GRIN2B: variants seen among roughly 807,000 people sequenced by gnomAD.
GRIN2B encodes glutamate ionotropic receptor NMDA type subunit 2B, also known as glutamate receptor ionotropic, NMDA 2B.
A neutral mutation model predicts 114.5 loss-of-function variants in GRIN2B; 5 were observed. The observed-to-expected ratio is 0.04, with a 90% CI of 0.02 to 0.09. GRIN2B has a LOEUF of 0.09. Among genes scored for constraint, GRIN2B ranks in the 10% least tolerant of loss-of-function variants. The probability of loss-of-function intolerance (pLI) is 1.00; values close to 1 mark genes in which losing one functional copy is unlikely to be tolerated. For missense variants in GRIN2B, 1,108 were observed against 1,943.5 expected, an observed-to-expected ratio of 0.57 and a Z score of 8.08; for synonymous variants, 787 against 745.1, an observed-to-expected ratio of 1.06 and a Z score of -0.92.
intron 3 of GRIN2B, among the ~76,000 whole-genome samples, chr12:13,808,101 C>A (rs1248670133): frequency 1.3e-5 from 2 of 152,036 alleles, no homozygotes; most frequent in Non-Finnish European, 2.9e-5. Context: ...AGTGTCTAGA[C>A]TGAGAAAGCC....
chr12:13,808,077 T>G (rs1404648600), intron 3 of GRIN2B, among the ~76,000 whole-genome samples: 1 of 152,150 alleles, frequency 6.6e-6, no homozygotes, highest in South Asian at 2.1e-4. Flanking sequence ...CTGGCAGCTC[T>G]GAATTATTAT....
chr12:13,669,511 G>A (rs1950004576), intron 5 of GRIN2B, among the ~76,000 whole-genome samples: 1 of 152,086 alleles, frequency 6.6e-6, no homozygotes, highest in Non-Finnish European at 1.5e-5. Flanking sequence ...TTGCCATGAG[G>A]AGCTTCTGTT....
intron 3 of GRIN2B, among the ~76,000 whole-genome samples, chr12:13,767,856 T>C (rs1863828048): frequency 6.6e-6 from 1 of 152,230 alleles, no homozygotes; most frequent in Admixed American, 6.5e-5. Context: ...AACTCCATAG[T>C]ATTAGTAACC....
At chr12:13,577,783 A>G (rs1000394793) in intron 10 of GRIN2B, among the ~76,000 whole-genome samples, 1 of 152,218 alleles carries the variant, frequency 6.6e-6, no homozygotes, top group African/African-American at 2.4e-5. Context: ...AGGAGACTGT[A>G]TTAGGAACAG....
chr12:13,979,045 T>C (rs531234592), intron 2 of GRIN2B, among the ~76,000 whole-genome samples: 2 of 152,328 alleles, frequency 1.3e-5, no homozygotes, highest in African/African-American at 4.8e-5. Flanking sequence ...ACGTGTCGAA[T>C]TCTGCACCCC....
chr12:13,884,704 C>T (rs1866126202), intron 2 of GRIN2B, among the ~76,000 whole-genome samples: 2 of 152,092 alleles, frequency 1.3e-5, no homozygotes, highest in South Asian at 4.1e-4. Flanking sequence ...TTCAGTTTTT[C>T]AGCATTAAAT....
chr12:13,578,021 C>T (rs1948800555), intron 10 of GRIN2B, among the ~76,000 whole-genome samples: 1 of 152,168 alleles, frequency 6.6e-6, no homozygotes, highest in Non-Finnish European at 1.5e-5. Flanking sequence ...ATGATCTTGC[C>T]TTCAAAGAGT....
chr12:13,791,377 G>A (rs554474674), intron 3 of GRIN2B, among the ~76,000 whole-genome samples: 5 of 151,886 alleles, frequency 3.3e-5, no homozygotes, highest in East Asian at 3.9e-4. Flanking sequence ...GCATGAACCC[G>A]GGAGGCGGAG....
At chr12:13,784,446 C>T (rs1453069013) in intron 3 of GRIN2B, among the ~76,000 whole-genome samples, 4 of 152,064 alleles carry the variant, frequency 2.6e-5, no homozygotes, top group South Asian at 2.1e-4. Context: ...CCCCAGGTGA[C>T]AGAATTTCAA....
chr12:13,646,029 G>C (rs1329375152), intron 5 of GRIN2B, among the ~76,000 whole-genome samples: 2 of 152,076 alleles, frequency 1.3e-5, no homozygotes, highest in African/African-American at 4.8e-5. Flanking sequence ...CTTGGACACT[G>C]AAAGTTTTTC....
In GRIN2B at chr12:13,547,790, T is replaced by C. The variant is rs1591596090; in HGVS notation, c.*14993A>G. On this transcript the variant is annotated 3_prime_UTR_variant, in exon 14 of 14. Transcript: ENST00000609686. ...ACTTCCCTGATTCTTTTGGAAGTTA[T>C]TGGGCATCTGCATTTTCCCAGGAGA... 1.3e-5 allele frequency: 2 copies of C among 152,002 alleles called. No individual in the cohort carries two copies. The highest frequency in any genetic ancestry group is 3.4e-3 in the Middle Eastern group (1 of 294). 9.4% of individuals were successfully genotyped at this position (152,002 alleles called of 1,614,324 possible).
intron 3 of GRIN2B, among the ~76,000 whole-genome samples, chr12:13,777,695 C>T (rs1451505233): frequency 6.6e-6 from 1 of 152,172 alleles, no homozygotes; most frequent in Non-Finnish European, 1.5e-5. Context: ...CTTAGCCTTT[C>T]TCCTTTGTTC....
At chr12:13,698,675 C>T (rs1304350579) in intron 4 of GRIN2B, among the ~76,000 whole-genome samples, 1 of 152,038 alleles carries the variant, frequency 6.6e-6, no homozygotes, top group African/African-American at 2.4e-5. Context: ...TACTACATAA[C>T]AAATCAAAAT....
chr12:13,918,716 T>C (rs1375753716), intron 2 of GRIN2B, among the ~76,000 whole-genome samples: 3 of 152,264 alleles, frequency 2.0e-5, no homozygotes, highest in Non-Finnish European at 2.9e-5. Flanking sequence ...CCTAAAATCC[T>C]GTGGATGATT....
intron 5 of GRIN2B, among the ~76,000 whole-genome samples, chr12:13,658,400 A>T (rs1949888548): frequency 6.6e-6 from 1 of 152,154 alleles, no homozygotes; most frequent in South Asian, 2.1e-4. Context: ...ATCAGACACA[A>T]ATAACAAAAT....
intron 4 of GRIN2B, among the ~76,000 whole-genome samples, chr12:13,694,385 A>G (rs1441559501): frequency 1.3e-5 from 2 of 152,070 alleles, no homozygotes; most frequent in South Asian, 2.1e-4. Context: ...ATTGAACCCT[A>G]TGATGTGTCA....
At chr12:13,955,264 CAG>C (rs1332781132) in intron 2 of GRIN2B, among the ~76,000 whole-genome samples, 1 of 152,150 alleles carries the variant, frequency 6.6e-6, no homozygotes, top group Non-Finnish European at 1.5e-5. Flanking sequence ...TCCTTGTTAG[CAG>C]AGAGATTTTC....
At chr12:13,975,615 G>T (rs941594729) in intron 2 of GRIN2B, among the ~76,000 whole-genome samples, 1 of 152,144 alleles carries the variant, frequency 6.6e-6, no homozygotes, top group Non-Finnish European at 1.5e-5. Flanking sequence ...CAAACAGGTA[G>T]CATCATCAAC....
chr12:13,719,187 C>G (rs538059821), intron 4 of GRIN2B, among the ~76,000 whole-genome samples: 35 of 152,196 alleles, frequency 2.3e-4, no homozygotes, highest in African/African-American at 8.4e-4. Context: ...CTCCCGCAAG[C>G]TCACCACCAC....
Sources: allele counts gnomAD v4.1 joint callset (sites outside exome capture counted in the v4.1 genomes callset), GRCh38; gene constraint gnomAD v4.1.1; transcripts MANE v1.5; gene names NCBI Gene and HGNC (gene_info 2026-07-23, HGNC 2026-07-21).